Variants in RPRD1A observed in about 807,000 individuals in gnomAD.
RPRD1A encodes the protein regulation of nuclear pre-mRNA domain-containing protein 1A.
In RPRD1A, 9 loss-of-function variants were observed where a neutral mutation model predicts 37.8. That is an observed-to-expected ratio of 0.24 (90% CI 0.14 to 0.42). The LOEUF (loss-of-function observed/expected upper bound fraction) is 0.42. Ranked by LOEUF, RPRD1A falls within the 10% of genes least tolerant of loss-of-function variation. The probability of loss-of-function intolerance (pLI) is 1.00; values close to 1 mark genes in which losing one functional copy is unlikely to be tolerated. For synonymous variants in RPRD1A, 138 were observed against 139.7 expected (o/e 0.99, Z 0.08); for missense variants, 255 against 371.0 (o/e 0.69, Z 2.57).
At chr18:36,049,580 C>T (rs1226026574) in intron 1 of RPRD1A, among the ~76,000 whole-genome samples, 1 of 152,184 alleles carries the variant, frequency 6.6e-6, no homozygotes. Flanking sequence ...TCTTTTGTGA[C>T]TAGTTTAATT....
At chr18:36,027,533 G>A in intron 4 of RPRD1A, 1 of 452,112 alleles carries the variant, frequency 2.2e-6, no homozygotes, top group Non-Finnish European at 3.9e-6. Context: ...AGACCTTGAA[G>A]AGAGCTTACT....
chr18:36,012,220 A>G (rs1307758973), intron 6 of RPRD1A, among the ~76,000 whole-genome samples: 5 of 152,220 alleles, frequency 3.3e-5, no homozygotes, highest in African/African-American at 1.2e-4. Flanking sequence ...CCATCCTAAC[A>G]TCATAGCACA....
At chr18:35,993,608 T>A (rs976726776) in intron 6 of RPRD1A, among the ~76,000 whole-genome samples, 2 of 152,224 alleles carry the variant, frequency 1.3e-5, no homozygotes, top group African/African-American at 4.8e-5. Context: ...AAAAATTACA[T>A]ATTTATTTTC....
At chr18:36,006,610 T>A (rs1252375162) in intron 6 of RPRD1A, among the ~76,000 whole-genome samples, 1 of 152,182 alleles carries the variant, frequency 6.6e-6, no homozygotes, top group East Asian at 1.9e-4. Context: ...ATTCTGAGAA[T>A]CTTGAAACTA....
At chr18:36,025,497 T>C in intron 6 of RPRD1A, 1 of 513,528 alleles carries the variant, frequency 1.9e-6, no homozygotes, top group Non-Finnish European at 3.1e-6. Context: ...TCTGTTTTTG[T>C]AAACAGTGAC....
At chr18:36,016,188 T>C (rs1314745792) in intron 6 of RPRD1A, among the ~76,000 whole-genome samples, 1 of 152,202 alleles carries the variant, frequency 6.6e-6, no homozygotes, top group Non-Finnish European at 1.5e-5. Context: ...GAGTTCCCAT[T>C]TCCACAACCC....
chr18:36,040,772 A>T, intron 1 of RPRD1A: 2 of 1,290,744 alleles, frequency 1.5e-6, no homozygotes, highest in Non-Finnish European at 2.1e-6. Context: ...GGCAAGTGGT[A>T]CTTACATAGA....
intron 1 of RPRD1A, chr18:36,040,958 C>G (rs1312015844): frequency 1.5e-6 from 1 of 684,298 alleles, no homozygotes; most frequent in African/African-American, 1.9e-5. Flanking sequence ...GAACTACAAA[C>G]ACTGCTCAAT....
In RPRD1A at chr18:35,993,248, G is replaced by A; in HGVS notation, c.842C>T (p.Ser281Phe). ...TAAGTCTGGCAGGCTCTGGATCCGGGACCTGAGTTCTTTGCGCACCAGGGA... is the reference window on the plus strand; with the variant it reads ...TAAGTCTGGCAGGCTCTGGATCCGGAACCTGAGTTCTTTGCGCACCAGGGA... Reference protein sequence around the residue: ...RVSLVRKELRSRIQSLPDLSR... With the variant: ...RVSLVRKELRFRIQSLPDLSR... The change falls in exon 7 of 7, where the codon TCC (serine) becomes TTC (phenylalanine). Residue 281 changes from serine (S) to phenylalanine (F), a missense_variant. Physicochemically the swap from Ser to Phe is radical, Grantham distance 155 (BLOSUM62 -2). Transcript: ENST00000399022. The A allele has an allele frequency of 6.2e-7, 1 of 1,614,170 alleles. No homozygotes were observed. Among genetic ancestry groups the A allele is most frequent in the East Asian group, 2.2e-5 (1 of 44,884 alleles).
At chr18:36,060,300 G>A (rs1292964788) in intron 1 of RPRD1A, among the ~76,000 whole-genome samples, 1 of 152,046 alleles carries the variant, frequency 6.6e-6, no homozygotes, top group Non-Finnish European at 1.5e-5. Context: ...AGGCATGGTG[G>A]CGGGCGCCTA....
chr18:36,019,081 A>G (rs958685238), intron 6 of RPRD1A, among the ~76,000 whole-genome samples: 1 of 151,980 alleles, frequency 6.6e-6, no homozygotes, highest in African/African-American at 2.4e-5. Flanking sequence ...ATAAGATCCA[A>G]AAGTGTAATG....
At chr18:36,016,582 T>A (rs555730911) in intron 6 of RPRD1A, among the ~76,000 whole-genome samples, 4 of 152,314 alleles carry the variant, frequency 2.6e-5, no homozygotes, top group East Asian at 1.9e-4. Flanking sequence ...TTGCTTTTTT[T>A]AAATTATTTT....
intron 1 of RPRD1A, among the ~76,000 whole-genome samples, chr18:36,050,962 T>C (rs1913348664): frequency 6.6e-6 from 1 of 152,004 alleles, no homozygotes; most frequent in African/African-American, 2.4e-5. Flanking sequence ...CAGTTGACTT[T>C]TGAATAACAC....
intron 1 of RPRD1A, among the ~76,000 whole-genome samples, chr18:36,054,365 C>T (rs953258104): frequency 1.4e-4 from 22 of 151,950 alleles, no homozygotes; most frequent in African/African-American, 5.1e-4. Flanking sequence ...TGGTGGCGGG[C>T]GCCTGTAATC....
chr18:36,053,729 AAGG>A (rs140513176), intron 1 of RPRD1A, among the ~76,000 whole-genome samples: 4,547 of 152,308 alleles, frequency 0.03, 223 homozygotes, highest in African/African-American at 0.1. Flanking sequence ...TAACATGAGT[AAGG>A]AGGACAGCTA....
At chr18:35,994,031 A>C (rs1908872633) in intron 6 of RPRD1A, among the ~76,000 whole-genome samples, 1 of 152,142 alleles carries the variant, frequency 6.6e-6, no homozygotes, top group Non-Finnish European at 1.5e-5. Context: ...AAGCCAAGAC[A>C]ACCTCAGGCT....
intron 4 of RPRD1A, among the ~76,000 whole-genome samples, chr18:36,029,339 C>CT (rs1010816284): frequency 6.6e-6 from 1 of 152,178 alleles, no homozygotes; most frequent in African/African-American, 2.4e-5. Flanking sequence ...AACCAGTCCT[C>CT]TAACTCCCAC....
chr18:36,067,321 C>G lies in RPRD1A; in HGVS notation c.84G>C (p.Leu28=). Residue 28 remains leucine (L), a synonymous_variant, in exon 1 of 7, where the codon CTG becomes CTC. Transcript: ENST00000399022. ...AGTGTTTACGGTGGTGAATGAGCCA[C>G]AGGGACAAGGTCTGCACGCTCTGCT... The part of the protein sequence containing the change: ...NSQQSVQTLS[L]WLIHHRKHSR... The G allele has an allele frequency of 4.4e-6, 7 of 1,608,030 alleles. No homozygotes were observed. Among genetic ancestry groups the G allele is most frequent in the Non-Finnish European group, 5.9e-6 (7 of 1,177,478 alleles).
At chr18:36,004,962 CTATGT>C (rs1286271512) in intron 6 of RPRD1A, among the ~76,000 whole-genome samples, 2 of 151,732 alleles carry the variant, frequency 1.3e-5, no homozygotes, top group African/African-American at 2.4e-5. Flanking sequence ...ATCTGGCTAC[CTATGT>C]TAAGTTGAAG....
Sources: allele counts gnomAD v4.1 joint callset (sites outside exome capture counted in the v4.1 genomes callset), GRCh38; gene constraint gnomAD v4.1.1; transcripts MANE v1.5; gene names NCBI Gene and HGNC (gene_info 2026-07-23, HGNC 2026-07-21).